Variants in DNAH8 observed in about 807,000 individuals in gnomAD.
The protein encoded by DNAH8 is dynein axonemal heavy chain 8.
Under a neutral mutation model 562.1 loss-of-function variants are expected in DNAH8, and 382 were observed. The observed-to-expected ratio is 0.68, with a 90% CI of 0.63 to 0.74. The LOEUF (loss-of-function observed/expected upper bound fraction) is 0.74, where lower values mean the gene tolerates loss of function less well. Among genes scored for constraint, DNAH8 ranks in the 30% least tolerant of loss-of-function variants. The pLI, the probability that DNAH8 is intolerant of heterozygous loss-of-function variation, is 0.00. For missense variants in DNAH8, 5,203 were observed against 5,620.4 expected (o/e 0.93, Z 2.37); for synonymous variants, 1,881 against 1,919.4 (o/e 0.98, Z 0.52).
intron 52 of DNAH8, among the ~76,000 whole-genome samples, chr6:38,874,062 CTTTCTT>C (rs774625558): frequency 0.27 from 10,220 of 38,190 alleles, 2,590 homozygotes; most frequent in African/African-American, 0.32. Flanking sequence ...TTCTTTCTTT[CTTTCTT>C]TTTCTTTCTT....
intron 91 of DNAH8, among the ~76,000 whole-genome samples, chr6:39,017,734 G>A (rs1766655799): frequency 6.6e-6 from 1 of 152,156 alleles, no homozygotes; most frequent in Non-Finnish European, 1.5e-5. Flanking sequence ...AGATTTTTCA[G>A]TTAGAGGCAA....
chr6:38,869,691 T>C (rs1777318409), intron 48 of DNAH8, among the ~76,000 whole-genome samples: 1 of 152,188 alleles, frequency 6.6e-6, no homozygotes, highest in African/African-American at 2.4e-5. Flanking sequence ...ATTTCCCCAA[T>C]TTAAATAAAA....
intron 26 of DNAH8, among the ~76,000 whole-genome samples, chr6:38,819,615 C>G (rs1418438404): frequency 6.6e-6 from 1 of 151,958 alleles, no homozygotes; most frequent in African/African-American, 2.4e-5. Flanking sequence ...CCACTATTAT[C>G]ATTTTTATTT....
chr6:38,926,566 G>C (rs1782140800), intron 74 of DNAH8, among the ~76,000 whole-genome samples: 1 of 152,094 alleles, frequency 6.6e-6, no homozygotes, highest in Non-Finnish European at 1.5e-5. Flanking sequence ...TCAGGCTCTT[G>C]GTACTACGTA....
chr6:38,819,920 A>G (rs1019358684), intron 26 of DNAH8, among the ~76,000 whole-genome samples: 1 of 152,218 alleles, frequency 6.6e-6, no homozygotes, highest in Non-Finnish European at 1.5e-5. Context: ...AAAAATTTGC[A>G]CAGCATTTTT....
At chr6:38,732,314 A>G (rs1763716871) in intron 4 of DNAH8, among the ~76,000 whole-genome samples, 2 of 152,214 alleles carry the variant, frequency 1.3e-5, no homozygotes, top group Non-Finnish European at 2.9e-5. Context: ...ACTGTGTCAC[A>G]TGGCTATCCT....
intron 82 of DNAH8, among the ~76,000 whole-genome samples, chr6:38,960,019 A>G (rs1762504374): frequency 6.6e-6 from 1 of 152,042 alleles, no homozygotes; most frequent in Non-Finnish European, 1.5e-5. Flanking sequence ...ATGAGGAAAG[A>G]TCAATCTTTT....
chr6:38,943,909 A>T (rs1172605128), intron 79 of DNAH8, among the ~76,000 whole-genome samples: 4 of 152,182 alleles, frequency 2.6e-5, no homozygotes, highest in Admixed American at 6.5e-5. Context: ...CACTTGGCAG[A>T]TGAGGAAACT....
chr6:38,770,623 A>G (rs1767476593), intron 12 of DNAH8, 64 bp downstream of exon 12: 1 of 1,401,390 alleles, frequency 7.1e-7, no homozygotes, highest in Non-Finnish European at 9.5e-7. Context: ...TTTGTACTTT[A>G]TGTAGTGCCA....
intron 91 of DNAH8, among the ~76,000 whole-genome samples, chr6:39,025,818 T>C (rs1383575021): frequency 6.6e-6 from 1 of 151,670 alleles, no homozygotes; most frequent in African/African-American, 2.4e-5. Flanking sequence ...ATCATAAATA[T>C]GTTTTCTTAA....
At chr6:38,872,411 TAAA>T in intron 49 of DNAH8, 122 bp from the exon 50 acceptor site, 1 of 1,079,754 alleles carries the variant, frequency 9.3e-7, no homozygotes, top group East Asian at 2.5e-5. Context: ...TTTTACAACT[TAAA>T]AATAGTGAAC....
chr6:38,914,342 A>T (rs538347042), intron 67 of DNAH8, among the ~76,000 whole-genome samples: 33 of 150,402 alleles, frequency 2.2e-4, no homozygotes, highest in Non-Finnish European at 1.5e-4. Flanking sequence ...AAAGAGGAAA[A>T]ATCCATACTC....
chr6:38,727,029 T>C (rs1763284635), intron 3 of DNAH8, among the ~76,000 whole-genome samples: 5 of 151,892 alleles, frequency 3.3e-5, no homozygotes, highest in Admixed American at 1.3e-4. Context: ...GGCTAATTTT[T>C]GTATTTTTAG....
At chr6:38,740,064 G>A (rs1764402943) in intron 7 of DNAH8, among the ~76,000 whole-genome samples, 1 of 152,088 alleles carries the variant, frequency 6.6e-6, no homozygotes, top group South Asian at 2.1e-4. Flanking sequence ...TCTCACTGGT[G>A]TATTTATTTA....
chr6:38,725,443 T>C (rs1388058868), intron 3 of DNAH8, among the ~76,000 whole-genome samples: 14 of 152,266 alleles, frequency 9.2e-5, no homozygotes, highest in Middle Eastern at 3.4e-3. Context: ...GGCAGTTCTC[T>C]GACAGTATGA....
At chr6:38,864,364 T>C (rs1189048216) in intron 45 of DNAH8, among the ~76,000 whole-genome samples, 2 of 152,192 alleles carry the variant, frequency 1.3e-5, no homozygotes, top group Non-Finnish European at 2.9e-5. Context: ...ATGTGCTATA[T>C]CAGATGGCAT....
chr6:38,815,552 C>T lies in DNAH8; in HGVS notation c.3418C>T (p.His1140Tyr). Residue 1140 changes from histidine (H) to tyrosine (Y), a missense_variant, in exon 26 of 93, where the codon CAC becomes TAC. Transcript: ENST00000327475. ...CCTGGAGGTCAGCAGAGGAGTGGCTCACTGGGGGCAACAGCAAATCCGTCC... is the reference window on the plus strand; with the variant it reads ...CCTGGAGGTCAGCAGAGGAGTGGCTTACTGGGGGCAACAGCAAATCCGTCC... ...LTLEVSRGVA[H>Y]WGQQQIRPIK... 1 of 1,614,016 alleles carries T rather than the reference C, an allele frequency of 6.2e-7. No individual in the cohort carries two copies. The highest frequency in any genetic ancestry group is 8.5e-7 in the Non-Finnish European group (1 of 1,179,914).
chr6:38,860,595 A>G lies in DNAH8; in HGVS notation c.6097A>G (p.Thr2033Ala), dbSNP rs1043207748. 2.6e-6 allele frequency: 4 copies of G among 1,546,246 alleles called. No individual in the cohort carries two copies. The highest frequency in any genetic ancestry group is 1.4e-5 in the African/African-American group (1 of 70,750). Residue 2033 changes from threonine (T) to alanine (A), a missense_variant, in exon 43 of 93, where the codon ACT becomes GCT. Thr to Ala is a moderately conservative substitution (Grantham distance 58, BLOSUM62 0). Around this residue, in one of 6 missense-constraint regions of DNAH8, gnomAD observed 2,176 missense variants for 2,365.1 expected, o/e 0.92. Coordinates refer to ENST00000327475, the MANE Select transcript of DNAH8 (RefSeq NM_001206927.2). ...FIYQNEFLGC[T>A]DRLVITPLTD... ...TTACCAAAATGAATTTCTGGGATGTACTGATCGTCTTGTTATCACTCCATT... is the reference window on the plus strand; with the variant it reads ...TTACCAAAATGAATTTCTGGGATGTGCTGATCGTCTTGTTATCACTCCATT...
intron 8 of DNAH8, among the ~76,000 whole-genome samples, chr6:38,748,218 C>G (rs1230210726): frequency 6.6e-6 from 1 of 152,160 alleles, no homozygotes. Flanking sequence ...AGAGAGGTCT[C>G]TAATGATCTG....
Sources: allele counts gnomAD v4.1 joint callset (sites outside exome capture counted in the v4.1 genomes callset), GRCh38; gene constraint gnomAD v4.1.1; regional missense constraint gnomAD v4.1.1; transcripts MANE v1.5; gene names NCBI Gene and HGNC (gene_info 2026-07-23, HGNC 2026-07-21).